Variants in KIAA0232 observed in about 807,000 individuals in gnomAD.
KIAA0232 encodes the protein KIAA0232.
In KIAA0232, 27 loss-of-function variants were observed where a neutral mutation model predicts 122.0. That is an observed-to-expected ratio of 0.22 (90% CI 0.16 to 0.31). The LOEUF is 0.31. Among genes scored for constraint, KIAA0232 ranks in the 10% least tolerant of loss-of-function variants. The probability of loss-of-function intolerance (pLI) is 1.00; values close to 1 mark genes in which losing one functional copy is unlikely to be tolerated. For synonymous variants in KIAA0232, 613 were observed against 587.6 expected, an observed-to-expected ratio of 1.04 and a Z score of -0.63; for missense variants, 1,551 against 1,634.2, an observed-to-expected ratio of 0.95 and a Z score of 0.88.
intron 7 of KIAA0232, among the ~76,000 whole-genome samples, chr4:6,866,975 A>G (rs1193595649): frequency 6.6e-6 from 1 of 152,196 alleles, no homozygotes; most frequent in Non-Finnish European, 1.5e-5. Context: ...CCCAGCGGCA[A>G]CCACTAGTGT....
intron 3 of KIAA0232, among the ~76,000 whole-genome samples, chr4:6,835,264 G>A (rs1457095641): frequency 6.6e-6 from 1 of 152,022 alleles, no homozygotes. Context: ...TTTTACCACC[G>A]AGCCTTGAAA....
At chr4:6,821,686 ATGTG>A (rs55875976) in intron 2 of KIAA0232, among the ~76,000 whole-genome samples, 6,245 of 150,016 alleles carry the variant, frequency 0.042, 415 homozygotes, top group African/African-American at 0.14. Context: ...ACATGTATAT[ATGTG>A]TGTGTGTGTG....
Position 6,864,268 on chromosome 4 carries a change from G to A in KIAA0232, c.3801+85G>A. ...AGACATGCCAGTCAATGAAAGATAG[G>A]GTTAAATTATTGGGAAATTAGCTTA... On this transcript the variant is annotated intron_variant, in intron 7 of 9. Transcript: ENST00000307659. 7.1e-6 allele frequency: 10 copies of A among 1,403,740 alleles called. No homozygotes were observed. The South Asian group carries it at 7.4e-5, about 10-fold the overall frequency. The allele number at this position is 1,403,740 out of a possible 1,614,324, so 87.0% of individuals were successfully genotyped here. A position where few individuals can be genotyped will look rare whatever the true frequency, so the allele number is the denominator to read the frequency against.
Position 6,862,914 on chromosome 4 carries a change from AAG to A in KIAA0232, c.2534_2535del (p.Arg845AsnfsTer2). 1 of 1,614,246 alleles carries A rather than the reference AAG, an allele frequency of 6.2e-7. No homozygotes were observed. The highest frequency in any genetic ancestry group is 8.5e-7 in the Non-Finnish European group (1 of 1,180,040). ...ATTCTGTGGCTACAGTAGAAATAGA[AAG>A]AACTGATGCTGAGTTGTTTTCGGCA... is the stretch of plus-strand genomic sequence containing the variant. ...TNSVATVEIERTDAELFSADV... is the reference protein window; with the variant it reads ...TNSVATVEIEXTDAELFSADV... On this transcript the variant is annotated frameshift_variant, in exon 7 of 10. Transcript: ENST00000307659. LOFTEE classifies it high-confidence loss of function.
chr4:6,852,540 A>C (rs2108771360), intron 4 of KIAA0232, among the ~76,000 whole-genome samples: 1 of 152,310 alleles, frequency 6.6e-6, no homozygotes, highest in Non-Finnish European at 1.5e-5. Flanking sequence ...TCTGCTTTAA[A>C]GCTAAAGACT....
chr4:6,853,177 A>G (rs1047838781), intron 4 of KIAA0232, among the ~76,000 whole-genome samples: 4 of 152,242 alleles, frequency 2.6e-5, no homozygotes, highest in African/African-American at 4.8e-5. Flanking sequence ...AGAAGTGTGG[A>G]AGATTTCTTA....
rs752551656 is a variant in KIAA0232 at position 6,824,567 on chromosome 4, A to C, written c.114A>C (p.Pro38=). ...SEMSLLHALG[P]VQTWLGQELE... is the part of the protein sequence containing the mutation. Reference sequence around the variant, plus strand: ...TGTCTCTGCTTCATGCTTTGGGTCCAGTGCAGACCTGGCTGGGACAAGAGC... The same window carrying C: ...TGTCTCTGCTTCATGCTTTGGGTCCCGTGCAGACCTGGCTGGGACAAGAGC... Residue 38 remains proline (P), a synonymous_variant, in exon 3 of 10, where the codon CCA becomes CCC. Transcript: ENST00000307659. 6.2e-7 allele frequency: 1 copy of C among 1,614,216 alleles called. No individual in the cohort carries two copies. Among genetic ancestry groups the C allele is most frequent in the Non-Finnish European group, 8.5e-7 (1 of 1,180,034 alleles).
intron 1 of KIAA0232, among the ~76,000 whole-genome samples, chr4:6,796,574 C>T (rs1717145205): frequency 6.6e-6 from 1 of 152,128 alleles, no homozygotes; most frequent in African/African-American, 2.4e-5. Flanking sequence ...TTTCATGCCA[C>T]CTGTTTAAAG....
At chr4:6,860,611 C>A (rs1239335894) in intron 6 of KIAA0232, among the ~76,000 whole-genome samples, 1 of 152,144 alleles carries the variant, frequency 6.6e-6, no homozygotes, top group Non-Finnish European at 1.5e-5. Context: ...TCCTTTTTGA[C>A]TTCTTAATTA....
At position 6,842,215 on chromosome 4, in the gene KIAA0232, A is replaced by G; in HGVS notation, c.369+11A>G. ...TCTGCTTCTGATGAAGTAAGTTTAC[A>G]TTTTGTTTCTAACACTTAAGAGAAT... On this transcript the variant is annotated intron_variant, in intron 4 of 9. Transcript: ENST00000307659. 1 of 1,590,038 alleles carries G rather than the reference A, an allele frequency of 6.3e-7. No homozygotes were observed. Among genetic ancestry groups the G allele is most frequent in the Non-Finnish European group, 8.5e-7 (1 of 1,172,886 alleles).
At position 6,810,496 on chromosome 4, in the gene KIAA0232, A is replaced by G. The variant is rs1042972622; in HGVS notation, c.-270+5890A>G. 3.9e-5 allele frequency among the ~76,000 whole-genome samples: 6 copies of G among 152,186 alleles called. No individual in the cohort carries two copies. In the South Asian group the frequency reaches 8.3e-4, roughly 21 times the overall value. On this transcript the variant is annotated intron_variant, in intron 2 of 9. Transcript: ENST00000307659. ...AAATACTAGAATAAAACCTAGGGAA[A>G]ACTCTTCTGGACATTGATATAGGCA...
At chr4:6,787,844 A>G (rs767945635) in intron 1 of KIAA0232, among the ~76,000 whole-genome samples, 2 of 152,096 alleles carry the variant, frequency 1.3e-5, no homozygotes, top group Non-Finnish European at 2.9e-5. Context: ...CCTCTATTCC[A>G]TCACACCTGA....
rs1179214559 is a variant in KIAA0232 at position 6,838,549 on chromosome 4, C to T, written c.232-3518C>T. Among the ~76,000 whole-genome samples, 3 of 152,076 alleles carry T rather than the reference C, an allele frequency of 2.0e-5. No homozygotes were observed. The South Asian group carries it at 6.2e-4, about 31-fold the overall frequency. ...GTTACTGGGAGTATTCTAGGTCTGA[C>T]TGTTACCTGATAGATATATTATTAT... On this transcript the variant is annotated intron_variant, in intron 3 of 9. Transcript: ENST00000307659.
rs922160355 is a variant in KIAA0232, at chr4:6,882,223, A to C, written c.*1257A>C. ...AGCCGAAACATTTTACATTTTTTAC[A>C]TTGTTTTTCTTTTTTAACCAACTCA... On this transcript the variant is annotated 3_prime_UTR_variant, in exon 10 of 10. Coordinates refer to ENST00000307659, the MANE Select transcript of KIAA0232 (RefSeq NM_014743.3). 1.3e-5 allele frequency: 2 copies of C among 152,166 alleles called. No homozygotes were observed. Among genetic ancestry groups the C allele is most frequent in the Admixed American group, 1.3e-4 (2 of 15,280 alleles). 9.4% of individuals were successfully genotyped at this position (152,166 alleles called of 1,614,324 possible). A position where few individuals can be genotyped will look rare whatever the true frequency, so the allele number is the denominator to read the frequency against.
intron 3 of KIAA0232, among the ~76,000 whole-genome samples, chr4:6,827,381 A>T (rs1465597308): frequency 1.3e-5 from 2 of 152,194 alleles, no homozygotes; most frequent in Non-Finnish European, 2.9e-5. Context: ...AAGGGGCCTT[A>T]GCTTCTGTCA....
chr4:6,871,628 A>G lies in KIAA0232; in HGVS notation c.3856A>G (p.Thr1286Ala). 6.2e-7 allele frequency: 1 copy of G among 1,613,196 alleles called. No homozygotes were observed. The highest frequency in any genetic ancestry group is 2.2e-5 in the East Asian group (1 of 44,874). Residue 1286 changes from threonine to alanine, a missense_variant, in exon 8 of 10, where the codon ACC becomes GCC. Around this residue, in one of 5 missense-constraint regions of KIAA0232, gnomAD observed 1,108 missense variants for 1,154.8 expected, o/e 0.96. Transcript: ENST00000307659. ...AATGAATAGAAGTCAAGAAAAACAG[A>G]CCTGGTGGGAAAAAGCCTTGTACTC... is the stretch of plus-strand genomic sequence containing the variant. ...QGMNRSQEKQ[T>A]WWEKALYSPL...
At chr4:6,837,901 G>T (rs1001850135) in intron 3 of KIAA0232, among the ~76,000 whole-genome samples, 3 of 146,762 alleles carry the variant, frequency 2.0e-5, no homozygotes, top group East Asian at 2.0e-4. Context: ...GAGGGAGACC[G>T]TGCAAAGGGG....
At position 6,861,635 on chromosome 4, in the gene KIAA0232, G is replaced by C. The variant is rs780824394; in HGVS notation, c.1253G>C (p.Ser418Thr). Residue 418 changes from serine to threonine, a missense_variant, in exon 7 of 10, where the codon AGT becomes ACT. Coordinates refer to ENST00000307659, the MANE Select transcript of KIAA0232 (RefSeq NM_014743.3). ...TATTTTGTTCCTCTGAGCAGAAAAA[G>C]TAAACTAGAGACCACATACCGAAAC... is the stretch of plus-strand genomic sequence containing the variant. ...AEYFVPLSRK[S>T]KLETTYRNRQ... 2 of 1,614,044 alleles carry C rather than the reference G, an allele frequency of 1.2e-6. No homozygotes were observed. The highest frequency in any genetic ancestry group is 1.7e-6 in the Non-Finnish European group (2 of 1,180,020).
At chr4:6,817,283 G>A (rs947887784) in intron 2 of KIAA0232, among the ~76,000 whole-genome samples, 12 of 152,030 alleles carry the variant, frequency 7.9e-5, no homozygotes, top group Non-Finnish European at 1.6e-4. Flanking sequence ...GCATGATCTC[G>A]ACTCGCTGCA....
Sources: gnomAD v4.1 joint callset for allele counts (sites outside exome capture counted in the v4.1 genomes callset) on GRCh38, gnomAD v4.1.1 for gene constraint, gnomAD v4.1.1 regional missense constraint, MANE v1.5 for transcripts, NCBI Gene and HGNC (gene_info 2026-07-23, HGNC 2026-07-21) for gene names.